GPHN: variants seen among roughly 807,000 people sequenced by gnomAD.
The protein encoded by GPHN is gephyrin.
In GPHN, 17 loss-of-function variants were observed where a neutral mutation model predicts 95.5. The ratio of observed to expected loss-of-function variants is 0.18; its 90% CI spans 0.12 to 0.27. The LOEUF is 0.27. Ranked by LOEUF, GPHN falls within the 10% of genes least tolerant of loss-of-function variation. The pLI is 1.00. For missense variants in GPHN, 660 were observed against 978.1 expected (o/e 0.67, Z 4.34); for synonymous variants, 320 against 322.5 (o/e 0.99, Z 0.08).
chr14:67,058,632 A>C lies in GPHN; in HGVS notation c.1007-17A>C. ...TGTTACAGCATCATATTCTTAGTTAATTATCTTACTGTTTAGGTCACAGTG... is the reference window on the plus strand; with the variant it reads ...TGTTACAGCATCATATTCTTAGTTACTTATCTTACTGTTTAGGTCACAGTG... On this transcript the variant is annotated splice_polypyrimidine_tract_variant and intron_variant, in intron 10 of 22. Coordinates refer to ENST00000478722, the MANE Select transcript of GPHN (RefSeq NM_020806.5). 6.2e-7 allele frequency: 1 copy of C among 1,608,448 alleles called. No individual in the cohort carries two copies. The highest frequency in any genetic ancestry group is 8.5e-7 in the Non-Finnish European group (1 of 1,174,876).
At chr14:67,586,482 T>C in the GPHN span, 19 of 1,130,962 alleles carry the variant, frequency 1.7e-5, no homozygotes, top group Non-Finnish European at 2.3e-5. Context: ...CCCTGGGTTC[T>C]GCTGACCCAA....
At chr14:66,884,545 A>G (rs1364589809) in intron 5 of GPHN, among the ~76,000 whole-genome samples, 1 of 151,468 alleles carries the variant, frequency 6.6e-6, no homozygotes, top group African/African-American at 2.4e-5. Context: ...AGTAGCATTT[A>G]ACCTCCCTAA....
intron 2 of GPHN, among the ~76,000 whole-genome samples, chr14:66,766,212 A>G (rs1156565534): frequency 6.6e-6 from 1 of 152,196 alleles, no homozygotes; most frequent in Non-Finnish European, 1.5e-5. Context: ...GCATATGTAT[A>G]TGTACAAGTT....
intron 1 of GPHN, among the ~76,000 whole-genome samples, chr14:66,593,791 T>A (rs2061859910): frequency 6.6e-6 from 1 of 152,200 alleles, no homozygotes; most frequent in South Asian, 2.1e-4. Flanking sequence ...CCCTCACTTT[T>A]GTTCAACACA....
chr14:66,966,772 CT>C (rs2069360836), intron 9 of GPHN, among the ~76,000 whole-genome samples: 1 of 151,872 alleles, frequency 6.6e-6, no homozygotes, highest in South Asian at 2.1e-4. Context: ...GGCATAGTTG[CT>C]TTTCCTTAAT....
chr14:67,298,568 G>T, the GPHN span, among the ~76,000 whole-genome samples: 1 of 151,476 alleles, frequency 6.6e-6, no homozygotes, highest in Non-Finnish European at 1.5e-5. Context: ...ATCTCATTTT[G>T]GTAAAAATAA....
At chr14:67,553,769 T>C in the GPHN span, among the ~76,000 whole-genome samples, 4 of 152,166 alleles carry the variant, frequency 2.6e-5, no homozygotes, top group African/African-American at 9.7e-5. Flanking sequence ...TGTGTGAAGG[T>C]CAAGGAACTC....
At chr14:67,259,186 C>CTATG in the GPHN span, among the ~76,000 whole-genome samples, 2 of 151,532 alleles carry the variant, frequency 1.3e-5, no homozygotes, top group African/African-American at 4.8e-5. Flanking sequence ...CCTGAATGTT[C>CTATG]TATGTATGTA....
intron 4 of GPHN, among the ~76,000 whole-genome samples, chr14:66,879,487 C>A (rs1357886058): frequency 6.6e-6 from 1 of 151,830 alleles, no homozygotes; most frequent in Non-Finnish European, 1.5e-5. Flanking sequence ...TTCTTGAGAT[C>A]CTTTTAATTC....
chr14:66,900,055 TA>T, intron 5 of GPHN, among the ~76,000 whole-genome samples: 1 of 152,132 alleles, frequency 6.6e-6, no homozygotes, highest in South Asian at 2.1e-4. Context: ...GATTTGCTCC[TA>T]GTATTCTCTT....
At chr14:67,729,228 CGTCCGCTCTGAGCT>C in the GPHN span, 1 of 1,611,716 alleles carries the variant, frequency 6.2e-7, no homozygotes, top group Non-Finnish European at 8.5e-7. Flanking sequence ...ACCCAGGCGT[CGTCCGCTCTGAGCT>C]GGTCCGGCAC....
At chr14:67,019,303 C>T (rs2073477271) in intron 9 of GPHN, among the ~76,000 whole-genome samples, 2 of 152,122 alleles carry the variant, frequency 1.3e-5, no homozygotes, top group Non-Finnish European at 2.9e-5. Flanking sequence ...TAAACAGAAA[C>T]TTAATTTCTA....
chr14:67,340,481 G>A, the GPHN span: 1 of 1,613,552 alleles, frequency 6.2e-7, no homozygotes. Context: ...GCTCTGTGAT[G>A]ATATAAGCAA....
chr14:66,845,061 C>T (rs1184192013), intron 4 of GPHN, among the ~76,000 whole-genome samples: 1 of 152,100 alleles, frequency 6.6e-6, no homozygotes, highest in African/African-American at 2.4e-5. Context: ...GAATTTCATC[C>T]CTTTTTAACT....
At chr14:67,611,257 C>CTCTT in the GPHN span, 1 of 151,148 alleles carries the variant, frequency 6.6e-6, no homozygotes, top group Admixed American at 6.6e-5. Context: ...CCCTCTCTCT[C>CTCTT]TCTTTCTTTC....
At chr14:67,443,813 C>G in the GPHN span, among the ~76,000 whole-genome samples, 4 of 152,044 alleles carry the variant, frequency 2.6e-5, no homozygotes, top group African/African-American at 9.7e-5. Flanking sequence ...GGCATGTCCC[C>G]AGTTAAGCCT....
chr14:66,730,493 T>C (rs527456846), intron 2 of GPHN, among the ~76,000 whole-genome samples: 6 of 152,310 alleles, frequency 3.9e-5, no homozygotes, highest in Middle Eastern at 6.8e-3. Context: ...CTCATATTTT[T>C]TTTACTAAAA....
At chr14:66,537,859 G>T (rs150591907) in intron 1 of GPHN, among the ~76,000 whole-genome samples, 26 of 152,082 alleles carry the variant, frequency 1.7e-4, no homozygotes. Context: ...ACAGGGTCTC[G>T]CTCTGTTACT....
the GPHN span, chr14:67,411,997 C>T: frequency 2.0e-6 from 3 of 1,538,166 alleles, no homozygotes; most frequent in Non-Finnish European, 1.7e-6. Context: ...GGCAATGTCC[C>T]GAAGCTCGAC....
Sources: gnomAD v4.1 joint callset for allele counts (sites outside exome capture counted in the v4.1 genomes callset) on GRCh38, gnomAD v4.1.1 for gene constraint, MANE v1.5 for transcripts, NCBI Gene and HGNC (gene_info 2026-07-23, HGNC 2026-07-21) for gene names.